Variants in SVIL observed in about 807,000 individuals in gnomAD.
The protein encoded by SVIL is archvillin.
In SVIL, 101 loss-of-function variants were observed where a neutral mutation model predicts 240.4. That is an observed-to-expected ratio of 0.42 (90% CI 0.36 to 0.50). The LOEUF is 0.50. Among genes scored for constraint, SVIL ranks in the 20% least tolerant of loss-of-function variants. The probability of loss-of-function intolerance (pLI) is 0.01; values close to 1 mark genes in which losing one functional copy is unlikely to be tolerated. For synonymous variants in SVIL, 999 were observed against 1,100.0 expected (o/e 0.91, Z 1.82); for missense variants, 2,512 against 2,818.7 (o/e 0.89, Z 2.46).
Position 29,458,166 on chromosome 10 carries a change from C to T in SVIL, c.*81G>A. The T allele has an allele frequency of 7.5e-7, 1 of 1,334,508 alleles. No individual in the cohort carries two copies. Among genetic ancestry groups the T allele is most frequent in the Non-Finnish European group, 1.0e-6 (1 of 962,440 alleles). 82.7% of individuals were successfully genotyped at this position (1,334,508 alleles called of 1,614,324 possible). On this transcript the variant is annotated 3_prime_UTR_variant, in exon 38 of 38. Coordinates refer to ENST00000355867, the MANE Select transcript of SVIL (RefSeq NM_021738.3). ...TTGAAAAATACTTTGTGAAAAACAC[C>T]AGTCCAAAAATATATATCCATTTCC...
At chr10:29,591,043 C>A (rs1008608696) in intron 1 of SVIL, among the ~76,000 whole-genome samples, 9 of 152,214 alleles carry the variant, frequency 5.9e-5, no homozygotes, top group African/African-American at 1.9e-4. Flanking sequence ...ATGGAGCACC[C>A]AAGAGGCCAA....
At chr10:29,551,317 T>C in intron 5 of SVIL, 54 bp from the exon 6 acceptor site, 1 of 1,494,702 alleles carries the variant, frequency 6.7e-7, no homozygotes, top group Non-Finnish European at 8.9e-7. Flanking sequence ...AGACATGTAT[T>C]TACACACAGA....
chr10:29,636,729 T>A (rs1162605106), upstream of SVIL, among the ~76,000 whole-genome samples: 1 of 152,216 alleles, frequency 6.6e-6, no homozygotes, highest in Non-Finnish European at 1.5e-5. Flanking sequence ...ACAAAAGATG[T>A]CAATTGTCCC....
intron 17 of SVIL, among the ~76,000 whole-genome samples, chr10:29,500,203 A>G (rs1300717359): frequency 6.6e-6 from 1 of 151,890 alleles, no homozygotes; most frequent in African/African-American, 2.4e-5. Flanking sequence ...TGGGGAGAAG[A>G]GTGTAGGTGG....
At position 29,486,109 on chromosome 10, in the gene SVIL, C is replaced by T. The variant is rs1204045115; in HGVS notation, c.4755G>A (p.Lys1585=). The change falls in exon 26 of 38, where the codon AAG becomes AAA. Residue 1585 remains lysine (K), a synonymous_variant. Coordinates refer to ENST00000355867, the MANE Select transcript of SVIL (RefSeq NM_021738.3). ...CCTCTTTGGGTTGCAGAAGGGAGCA[C>T]TTCGGAATTTTCCCCCAGTAGTCGT... The part of the protein sequence containing the change: ...PDDDYWGKIP[K]CSLLQPKEVL... 4 of 1,614,196 alleles carry T rather than the reference C, an allele frequency of 2.5e-6. No homozygotes were observed. Among genetic ancestry groups the T allele is most frequent in the Non-Finnish European group, 3.4e-6 (4 of 1,180,040 alleles).
chr10:29,630,113 C>T (rs575786364), intron 1 of SVIL, among the ~76,000 whole-genome samples: 333 of 152,212 alleles, frequency 2.2e-3, no homozygotes, highest in African/African-American at 7.7e-3. Flanking sequence ...TCCATTACAT[C>T]CCTGTCCGAG....
At chr10:29,471,661 C>A (rs937882407) in intron 30 of SVIL, among the ~76,000 whole-genome samples, 3 of 152,178 alleles carry the variant, frequency 2.0e-5, no homozygotes, top group Non-Finnish European at 4.4e-5. Flanking sequence ...GGTAATAATT[C>A]TAGGGAAAAT....
At chr10:29,635,548 G>A (rs149539524), upstream of SVIL, among the ~76,000 whole-genome samples, 43 of 152,286 alleles carry the variant, frequency 2.8e-4, no homozygotes, top group African/African-American at 1.0e-3. Context: ...GAACTGGCAA[G>A]ATCTATCTTC....
At chr10:29,499,436 G>A (rs541173548) in intron 17 of SVIL, among the ~76,000 whole-genome samples, 173 bp from the exon 18 acceptor site, 1 of 152,222 alleles carries the variant, frequency 6.6e-6, no homozygotes, top group Non-Finnish European at 1.5e-5. Flanking sequence ...CTTACGTCCA[G>A]GTTGGGTGGA....
At chr10:29,491,674 G>GA (rs1459368616) in intron 21 of SVIL, among the ~76,000 whole-genome samples, 2 of 152,134 alleles carry the variant, frequency 1.3e-5, no homozygotes, top group Non-Finnish European at 2.9e-5. Context: ...TGAGCAGACC[G>GA]AGAGAAGCGA....
At chr10:29,719,166 A>G (rs924699185) in intron 1 of SVIL, among the ~76,000 whole-genome samples, 2 of 152,172 alleles carry the variant, frequency 1.3e-5, no homozygotes, top group African/African-American at 4.8e-5. Flanking sequence ...GGGTACTCAG[A>G]AAGATGTTGC....
At chr10:29,547,947 A>T (rs1952845101) in intron 6 of SVIL, among the ~76,000 whole-genome samples, 1 of 152,252 alleles carries the variant, frequency 6.6e-6, no homozygotes, top group Non-Finnish European at 1.5e-5. Context: ...CTAAACCAAG[A>T]ACGTGGTTTC....
chr10:29,689,014 A>G lies in SVIL; in HGVS notation c.-399-2363T>C, dbSNP rs61849390. 3.7e-3 allele frequency among the ~76,000 whole-genome samples: 563 copies of G among 152,090 alleles called. 4 individuals are homozygous for G. The highest frequency in any genetic ancestry group is 5.3e-3 in the Non-Finnish European group (359 of 67,802). The stretch of plus-strand genomic sequence containing the variant: ...AAGATACTGAAATCATAAAAGGCAC[A>G]TATATATACAGTGCAAATAAACTAA... On this transcript the variant is annotated intron_variant, in intron 1 of 35. Coordinates refer to the SVIL transcript ENST00000375400.
At chr10:29,711,697 T>A (rs1340589398) in intron 1 of SVIL, among the ~76,000 whole-genome samples, 2 of 151,278 alleles carry the variant, frequency 1.3e-5, no homozygotes, top group Admixed American at 6.6e-5. Context: ...GAGGTAGAGG[T>A]TGCAGTGAGC....
intron 36 of SVIL, among the ~76,000 whole-genome samples, chr10:29,459,505 A>G (rs1455885019): frequency 6.6e-6 from 1 of 152,188 alleles, no homozygotes; most frequent in Non-Finnish European, 1.5e-5. Context: ...AATATTAAAA[A>G]ATAACCTGAA....
At chr10:29,573,479 G>C (rs1221797587) in intron 1 of SVIL, among the ~76,000 whole-genome samples, 1 of 151,918 alleles carries the variant, frequency 6.6e-6, no homozygotes, top group Non-Finnish European at 1.5e-5. Flanking sequence ...TCTATTTTAT[G>C]TTCATAGAAA....
chr10:29,618,928 C>T (rs751229213), intron 1 of SVIL, among the ~76,000 whole-genome samples: 1 of 152,110 alleles, frequency 6.6e-6, no homozygotes, highest in Non-Finnish European at 1.5e-5. Flanking sequence ...AGTGTGGCCA[C>T]CAAGTGCTCC....
In SVIL at chr10:29,696,720, C is replaced by T. The variant is rs557556160; in HGVS notation, c.-399-10069G>A. Among the ~76,000 whole-genome samples, 54 of 150,098 alleles carry T rather than the reference C, an allele frequency of 3.6e-4. No homozygotes were observed. In the South Asian group the frequency reaches 4.0e-3, roughly 11 times the overall value. ...GTGAGGAGACCCTCCTCCTGGCAAC[C>T]GCCCCGTCTGAGAAGTGAGGAGCCC... is the stretch of plus-strand genomic sequence containing the variant. On this transcript the variant is annotated intron_variant, in intron 1 of 35. Coordinates refer to the SVIL transcript ENST00000375400.
At chr10:29,658,731 G>C (rs561492215) in intron 2 of SVIL, among the ~76,000 whole-genome samples, 2 of 152,216 alleles carry the variant, frequency 1.3e-5, no homozygotes, top group South Asian at 4.1e-4. Flanking sequence ...ACTTCAGCCT[G>C]GGCAACAAGG....
Sources: allele counts gnomAD v4.1 joint callset (sites outside exome capture counted in the v4.1 genomes callset), GRCh38; gene constraint gnomAD v4.1.1; transcripts MANE v1.5; gene names NCBI Gene and HGNC (gene_info 2026-07-23, HGNC 2026-07-21).